Variants in TOX3 observed in about 807,000 individuals in gnomAD.
TOX3 encodes the protein TOX high mobility group box family member 3, also known as CAG trinucleotide repeat-containing gene F9 protein.
TOX3 carries 22 observed loss-of-function variants against 64.3 expected under a neutral mutation model. That is an observed-to-expected ratio of 0.34 (90% CI 0.24 to 0.49). TOX3 has a LOEUF of 0.49. Ranked by LOEUF, TOX3 falls within the 20% of genes least tolerant of loss-of-function variation. The pLI, the probability that TOX3 is intolerant of heterozygous loss-of-function variation, is 0.99. For synonymous variants in TOX3, 291 were observed against 273.6 expected (o/e 1.06, Z -0.63); for missense variants, 661 against 714.4 (o/e 0.93, Z 0.85).
intron 1 of TOX3, among the ~76,000 whole-genome samples, chr16:52,472,630 T>G (rs1596803561): frequency 6.6e-6 from 1 of 152,192 alleles, no homozygotes; most frequent in East Asian, 1.9e-4. Flanking sequence ...TATGGGGCCT[T>G]CTATGCAATT....
intron 1 of TOX3, among the ~76,000 whole-genome samples, chr16:52,499,397 T>C (rs2151463423): frequency 6.6e-6 from 1 of 152,354 alleles, no homozygotes; most frequent in Non-Finnish European, 1.5e-5. Context: ...ACTAAAGCTG[T>C]GTTTGAGTAT....
At chr16:52,444,511 A>T in intron 5 of TOX3, 155 bp from the exon 6 acceptor site, 1 of 442,642 alleles carries the variant, frequency 2.3e-6, no homozygotes, top group Non-Finnish European at 4.0e-6. Context: ...ACACACACAC[A>T]CACACACACA....
At chr16:52,479,764 G>A (rs751034964) in intron 1 of TOX3, among the ~76,000 whole-genome samples, 5 of 152,150 alleles carry the variant, frequency 3.3e-5, no homozygotes, top group African/African-American at 7.2e-5. Flanking sequence ...CCTCTCTTGG[G>A]TTTAGAAAGG....
chr16:52,478,447 T>C (rs1961280086), intron 1 of TOX3, among the ~76,000 whole-genome samples: 3 of 152,206 alleles, frequency 2.0e-5, no homozygotes, highest in Admixed American at 2.0e-4. Flanking sequence ...GACCTCCATG[T>C]GCCCTCCTTG....
chr16:52,468,384 C>G (rs1960928365), intron 2 of TOX3, 125 bp downstream of exon 2: 2 of 734,348 alleles, frequency 2.7e-6, no homozygotes, highest in African/African-American at 1.8e-5. Flanking sequence ...TTTTCTCCTC[C>G]AAAGTAGTTA....
At chr16:52,493,818 T>C (rs893547341) in intron 1 of TOX3, among the ~76,000 whole-genome samples, 2 of 152,190 alleles carry the variant, frequency 1.3e-5, no homozygotes, top group Non-Finnish European at 2.9e-5. Flanking sequence ...CCTACCCATT[T>C]AAGCACATAA....
intron 1 of TOX3, among the ~76,000 whole-genome samples, chr16:52,531,625 A>C (rs1352066218): frequency 6.6e-6 from 1 of 152,238 alleles, no homozygotes. Flanking sequence ...GATACAAATT[A>C]AAAAGTGGGT....
intron 1 of TOX3, among the ~76,000 whole-genome samples, chr16:52,495,287 T>C (rs1287839376): frequency 6.6e-6 from 1 of 152,160 alleles, no homozygotes; most frequent in Non-Finnish European, 1.5e-5. Flanking sequence ...CCTGATGCCT[T>C]ATATTCTCTT....
At chr16:52,449,144 C>T (rs912174244) in intron 4 of TOX3, among the ~76,000 whole-genome samples, 2 of 152,174 alleles carry the variant, frequency 1.3e-5, no homozygotes, top group Non-Finnish European at 2.9e-5. Context: ...TTTGGTCCCT[C>T]CCTTTATAAG....
intron 1 of TOX3, among the ~76,000 whole-genome samples, chr16:52,479,896 T>C (rs560665432): frequency 6.6e-6 from 1 of 152,286 alleles, no homozygotes; most frequent in South Asian, 2.1e-4. Context: ...ACACAGTGGG[T>C]ATCATCTTCA....
intron 1 of TOX3, among the ~76,000 whole-genome samples, chr16:52,469,424 C>A (rs555192383): frequency 6.6e-6 from 1 of 152,262 alleles, no homozygotes; most frequent in East Asian, 1.9e-4. Flanking sequence ...ATTCCATTAT[C>A]AGTCTGGTAA....
At chr16:52,440,207 A>G (rs958156915) in intron 6 of TOX3, among the ~76,000 whole-genome samples, 1 of 152,106 alleles carries the variant, frequency 6.6e-6, no homozygotes, top group African/African-American at 2.4e-5. Context: ...ATGTGATGAC[A>G]GTGATACTGC....
At position 52,485,250 on chromosome 16, in the gene TOX3, A is replaced by G. The variant is rs1018829416; in HGVS notation, c.88-16676T>C. On this transcript the variant is annotated intron_variant, in intron 1 of 6. Transcript: ENST00000219746. ...TGTGTGTGTGTATGTGTGTGTGTATATATATATATATATATATATATACAT... is the reference window on the plus strand; with the variant it reads ...TGTGTGTGTGTATGTGTGTGTGTATGTATATATATATATATATATATACAT... Among the ~76,000 whole-genome samples, 168 of 85,720 alleles carry G rather than the reference A, an allele frequency of 2.0e-3. 1 individual carries two copies. Among genetic ancestry groups the G allele is most frequent in the African/African-American group, 4.7e-3 (143 of 30,316 alleles). 56.2% of individuals were successfully genotyped at this position (85,720 alleles called of 152,430 possible).
chr16:52,506,776 G>T lies in TOX3; in HGVS notation c.88-38202C>A, dbSNP rs1962173131. Among the ~76,000 whole-genome samples, 3 of 152,116 alleles carry T rather than the reference G, an allele frequency of 2.0e-5. 1 individual carries two copies. In the South Asian group the frequency reaches 6.2e-4, roughly 32 times the overall value. On this transcript the variant is annotated intron_variant, in intron 1 of 6. Coordinates refer to ENST00000219746, the MANE Select transcript of TOX3 (RefSeq NM_001080430.4). ...AATTACATTAAAGATTTAAAAACAT[G>T]ATTGAATCACATGTTAACAATCTCC...
chr16:52,480,124 C>T (rs932829402), intron 1 of TOX3, among the ~76,000 whole-genome samples: 1 of 152,264 alleles, frequency 6.6e-6, no homozygotes, highest in East Asian at 1.9e-4. Flanking sequence ...GCCAGGCACA[C>T]GATAGGTTCT....
At chr16:52,490,626 A>ATTTTTTTTTGTTT (rs760052010) in intron 1 of TOX3, among the ~76,000 whole-genome samples, 1 of 99,060 alleles carries the variant, frequency 1.0e-5, no homozygotes, top group African/African-American at 4.3e-5. Context: ...CTAGGATGTA[A>ATTTTTTTTTGTTT]TTTTTTTTTT....
intron 1 of TOX3, among the ~76,000 whole-genome samples, chr16:52,505,989 A>G (rs905987095): frequency 2.0e-5 from 3 of 152,114 alleles, no homozygotes; most frequent in African/African-American, 7.2e-5. Context: ...AAAAGAAAAG[A>G]ATTTCTCGGA....
chr16:52,534,500 T>C (rs750031669), intron 1 of TOX3, among the ~76,000 whole-genome samples: 2 of 152,008 alleles, frequency 1.3e-5, no homozygotes, highest in Non-Finnish European at 2.9e-5. Flanking sequence ...TAGCTGGGTA[T>C]GGGGTGTGCA....
rs1271442062 is a variant in TOX3, at chr16:52,438,453, TAC to T, written c.*770_*771del. Reference sequence around the variant, plus strand: ...TTTAAGTGCATTTCCCTTTTAAAAATACAGTGTTTTTATTTTTCGAAACTTGT... The same window carrying T: ...TTTAAGTGCATTTCCCTTTTAAAAATAGTGTTTTTATTTTTCGAAACTTGT... On this transcript the variant is annotated 3_prime_UTR_variant, in exon 7 of 7. Transcript: ENST00000219746. The T allele has an allele frequency of 1.3e-5, 2 of 152,686 alleles. No individual in the cohort carries two copies. The highest frequency in any genetic ancestry group is 2.9e-5 in the Non-Finnish European group (2 of 68,062). The allele number at this position is 152,686 out of a possible 1,614,324, so 9.5% of individuals were successfully genotyped here.
Sources: gnomAD v4.1 joint callset for allele counts (sites outside exome capture counted in the v4.1 genomes callset) on GRCh38, gnomAD v4.1.1 for gene constraint, MANE v1.5 for transcripts, NCBI Gene and HGNC (gene_info 2026-07-23, HGNC 2026-07-21) for gene names.